CEP120: variants seen among roughly 807,000 people sequenced by gnomAD.
CEP120 encodes the protein centrosomal protein of 120 kDa.
CEP120 carries 113 observed loss-of-function variants against 126.5 expected under a neutral mutation model. That is an observed-to-expected ratio of 0.89 (90% CI 0.77 to 1.04). The LOEUF is 1.04. Among genes scored for constraint, CEP120 ranks in the 50% least tolerant of loss-of-function variants. The probability of loss-of-function intolerance (pLI) is 0.00; values close to 1 mark genes in which losing one functional copy is unlikely to be tolerated. For missense variants in CEP120, 1,230 were observed against 1,155.7 expected, an observed-to-expected ratio of 1.06 and a Z score of -0.93; for synonymous variants, 400 against 394.3, an observed-to-expected ratio of 1.01 and a Z score of -0.17.
intron 18 of CEP120, among the ~76,000 whole-genome samples, chr5:123,362,572 T>A (rs1770166311): frequency 6.6e-6 from 1 of 151,762 alleles, no homozygotes; most frequent in Non-Finnish European, 1.5e-5. Flanking sequence ...TATGTAGGGA[T>A]CTTTGTCAGG....
intron 4 of CEP120, among the ~76,000 whole-genome samples, chr5:123,400,602 A>G (rs866925535): frequency 6.6e-6 from 1 of 150,598 alleles, no homozygotes; most frequent in Admixed American, 6.6e-5. Context: ...ATCAATTCAG[A>G]TATCATATAT....
At chr5:123,406,732 C>A (rs1400791480) in intron 4 of CEP120, among the ~76,000 whole-genome samples, 1 of 151,714 alleles carries the variant, frequency 6.6e-6, no homozygotes, top group African/African-American at 2.4e-5. Context: ...TTAAAAAGTT[C>A]TTCACAGACA....
chr5:123,415,914 G>T, intron 3 of CEP120, 96 bp downstream of exon 3: 2 of 780,664 alleles, frequency 2.6e-6, no homozygotes, highest in East Asian at 2.7e-5. Flanking sequence ...TGACTGATCA[G>T]GTCTAGTATT....
chr5:123,409,732 C>A (rs550650421), intron 4 of CEP120, among the ~76,000 whole-genome samples: 2 of 152,056 alleles, frequency 1.3e-5, no homozygotes, highest in Admixed American at 6.5e-5. Context: ...CCGAGGCAGG[C>A]GGATCACCTG....
intron 19 of CEP120, among the ~76,000 whole-genome samples, chr5:123,347,919 GCC>G (rs35623832): frequency 0.19 from 28,320 of 151,940 alleles, 3,067 homozygotes; most frequent in Middle Eastern, 0.25. Flanking sequence ...ATGATATATT[GCC>G]CCTTACTGTC....
rs770415323 is a variant in CEP120, at chr5:123,406,062, T to TTC, written c.463+6336_463+6337insGA. Among the ~76,000 whole-genome samples, 741 of 152,022 alleles carry TTC rather than the reference T, an allele frequency of 4.9e-3. 7 individuals are homozygous for TTC. The highest frequency in any genetic ancestry group is 0.019 in the South Asian group (89 of 4,810). On this transcript the variant is annotated intron_variant, in intron 4 of 19. Transcript: ENST00000306467. ...ACAAAAATACTAAAACAGAAATGAA[T>TTC]GACTATGAGAATTGGTTCATTAGTA...
chr5:123,386,671 GAATTTAAA>G lies in CEP120; in HGVS notation c.1431-12_1431-5del. ...TCCAAAGAATGGATATGAGTACCTA[GAATTTAAA>G]AAAAAAAAAAAAAAAAAAAGCCTTA... On this transcript the variant is annotated splice_polypyrimidine_tract_variant and splice_region_variant and intron_variant, in intron 9 of 19. Coordinates refer to ENST00000306467, the MANE Select transcript of CEP120 (RefSeq NM_001375405.1). 1 of 325,546 alleles carries G rather than the reference GAATTTAAA, an allele frequency of 3.1e-6. No homozygotes were observed. The allele number at this position is 325,546 out of a possible 1,614,324, so 20.2% of individuals were successfully genotyped here.
Position 123,393,436 on chromosome 5 carries a change from A to G in CEP120, c.674T>C (p.Leu225Ser). Reference sequence around the variant, plus strand: ...TTCATTTGTAACATCATTTCCCAGTAAAGAGTAGTAAAAGAAAAACTCAGG... The same window carrying G: ...TTCATTTGTAACATCATTTCCCAGTGAAGAGTAGTAAAAGAAAAACTCAGG... ...RQPEFFFYYS[L>S]LGNDVTNEPF... Residue 225 changes from leucine to serine, a missense_variant, in exon 6 of 20, where the codon TTA (leucine) becomes TCA (serine). Leu to Ser is a moderately radical substitution (Grantham distance 145, BLOSUM62 -2). Coordinates refer to ENST00000306467, the MANE Select transcript of CEP120 (RefSeq NM_001375405.1). The G allele has an allele frequency of 6.2e-7, 1 of 1,614,150 alleles. No homozygotes were observed. The highest frequency in any genetic ancestry group is 8.5e-7 in the Non-Finnish European group (1 of 1,179,988).
chr5:123,372,574 T>C lies in CEP120; in HGVS notation c.2481+76A>G, dbSNP rs1770923963. The C allele has an allele frequency of 6.6e-6, 9 of 1,369,880 alleles. No homozygotes were observed. In the South Asian group the frequency reaches 7.2e-5, roughly 11 times the overall value. 84.9% of individuals were successfully genotyped at this position (1,369,880 alleles called of 1,614,324 possible). On this transcript the variant is annotated intron_variant, in intron 17 of 19. Coordinates refer to ENST00000306467, the MANE Select transcript of CEP120 (RefSeq NM_001375405.1). ...AACACTACAGCAAAACATTATTATA[T>C]TGTATACACATTATTGATTGATTTT...
intron 4 of CEP120, chr5:123,401,681 A>T (rs1264115844): frequency 2.1e-6 from 3 of 1,409,484 alleles, no homozygotes; most frequent in Non-Finnish European, 3.0e-6. Context: ...GAGGAAGTTG[A>T]TCTCATCAGT....
chr5:123,422,723 C>A, intron 1 of CEP120: 2 of 695,424 alleles, frequency 2.9e-6, no homozygotes, highest in Non-Finnish European at 2.4e-6. Flanking sequence ...TCTGGGGCTA[C>A]GGCTAGTCAC....
At position 123,384,253 on chromosome 5, in the gene CEP120, T is replaced by C. The variant is rs147119045; in HGVS notation, c.1763+698A>G. ...GAATGGTGAGGAATAAGGAAAGACA[T>C]TTCAATACTTTTAGAGCTAAAATTT... On this transcript the variant is annotated intron_variant, in intron 11 of 19. Coordinates refer to ENST00000306467, the MANE Select transcript of CEP120 (RefSeq NM_001375405.1). Among the ~76,000 whole-genome samples, 168 of 151,628 alleles carry C rather than the reference T, an allele frequency of 1.1e-3. 1 individual carries two copies. Among genetic ancestry groups the C allele is most frequent in the African/African-American group, 4.0e-3 (164 of 41,428 alleles).
intron 4 of CEP120, among the ~76,000 whole-genome samples, chr5:123,410,633 T>G (rs1467614589): frequency 3.3e-5 from 5 of 152,162 alleles, no homozygotes; most frequent in Non-Finnish European, 7.3e-5. Context: ...GACATCTACA[T>G]GCAAAAAGTG....
Position 123,346,678 on chromosome 5 carries a change from G to T in CEP120, c.2802C>A (p.Gly934=). The change falls in exon 20 of 20, where the codon GGC becomes GGA. Residue 934 remains glycine, a synonymous_variant. Transcript: ENST00000306467. The part of the protein sequence containing the change: ...IASGKKDGPH[G]SVLEEGLDDY... Reference sequence around the variant, plus strand: ...CATCCAAACCTTCTTCCAATACACTGCCATGGGGGCCATCCTTTTTTCCAC... The same window carrying T: ...CATCCAAACCTTCTTCCAATACACTTCCATGGGGGCCATCCTTTTTTCCAC... 1 of 1,613,582 alleles carries T rather than the reference G, an allele frequency of 6.2e-7. No individual in the cohort carries two copies. Among genetic ancestry groups the T allele is most frequent in the Non-Finnish European group, 8.5e-7 (1 of 1,179,892 alleles).
chr5:123,379,383 T>C (rs1016454883), intron 14 of CEP120, among the ~76,000 whole-genome samples: 5 of 152,140 alleles, frequency 3.3e-5, no homozygotes, highest in Non-Finnish European at 4.4e-5. Flanking sequence ...TCCATCAGAA[T>C]TATTGTTATA....
intron 18 of CEP120, among the ~76,000 whole-genome samples, chr5:123,364,258 G>A (rs1038345554): frequency 6.6e-6 from 1 of 151,460 alleles, no homozygotes; most frequent in Non-Finnish European, 1.5e-5. Context: ...ATTATTCCCA[G>A]TTTCTTCTGA....
chr5:123,380,670 A>G lies in CEP120; in HGVS notation c.2103+1441T>C, dbSNP rs141956038. ...ACTTTTCAAGTATTTCCCGATTTGA[A>G]TTTTGCAGACCTCAATACTAAAATA... On this transcript the variant is annotated intron_variant, in intron 14 of 19. Transcript: ENST00000306467. Among the ~76,000 whole-genome samples, 91 of 152,240 alleles carry G rather than the reference A, an allele frequency of 6.0e-4. 2 individuals carry two copies. The East Asian group carries it at 0.016, about 27-fold the overall frequency.
At chr5:123,403,759 C>G (rs1580723846) in intron 4 of CEP120, 1 of 408,866 alleles carries the variant, frequency 2.4e-6, no homozygotes, top group Non-Finnish European at 4.8e-6. Context: ...GATGCATAAG[C>G]TAAATCTAAA....
chr5:123,378,410 G>C lies in CEP120; in HGVS notation c.2122C>G (p.Leu708Val), dbSNP rs144490830. 3.2e-5 allele frequency: 49 copies of C among 1,538,228 alleles called. No homozygotes were observed. Among genetic ancestry groups the C allele is most frequent in the Non-Finnish European group, 3.9e-5 (44 of 1,136,102 alleles). The change falls in exon 15 of 20, where the codon CTA becomes GTA. Residue 708 changes from leucine (L) to valine (V), a missense_variant. Coordinates refer to ENST00000306467, the MANE Select transcript of CEP120 (RefSeq NM_001375405.1). ...AGAGTTTTTTGAAGTTTTCCTTCTAGAATAGTATATTCAGCCACCTAAAAT... is the reference window on the plus strand; with the variant it reads ...AGAGTTTTTTGAAGTTTTCCTTCTACAATAGTATATTCAGCCACCTAAAAT... ...VKKKVAEYTI[L>V]EGKLQKTLID...
Sources: gnomAD v4.1 joint callset for allele counts (sites outside exome capture counted in the v4.1 genomes callset) on GRCh38, gnomAD v4.1.1 for gene constraint, MANE v1.5 for transcripts, NCBI Gene and HGNC (gene_info 2026-07-23, HGNC 2026-07-21) for gene names.